Variants in CATSPERZ observed in about 807,000 individuals in gnomAD.
CATSPERZ encodes catsper channel auxiliary subunit zeta.
Under a neutral mutation model 21.7 loss-of-function variants are expected in CATSPERZ, and 21 were observed. The ratio of observed to expected loss-of-function variants is 0.97; its 90% CI spans 0.69 to 1.39. The LOEUF is 1.39. Among genes scored for constraint, CATSPERZ ranks in the 40% most tolerant of loss-of-function variants. The pLI, the probability that CATSPERZ is intolerant of heterozygous loss-of-function variation, is 0.00. For missense variants in CATSPERZ, 234 were observed against 259.5 expected (o/e 0.90, Z 0.68); for synonymous variants, 127 against 108.7 (o/e 1.17, Z -1.05).
chr11:64,300,618 TCCGCGAC>T (rs2034905971), intron 1 of CATSPERZ, 32 bp from the exon 2 acceptor site: 1 of 1,482,616 alleles, frequency 6.7e-7, no homozygotes. Flanking sequence ...GCTCCAGCCA[TCCGCGAC>T]CCTTGGCTCC....
chr11:64,304,423 G>A, intron 4 of CATSPERZ, 120 bp from the exon 5 acceptor site: 1 of 696,878 alleles, frequency 1.4e-6, no homozygotes, highest in Non-Finnish European at 2.4e-6. Flanking sequence ...AGACCTGAGT[G>A]CCCTGCGCTA....
Position 64,300,811 on chromosome 11 carries a change from T to G in CATSPERZ, c.176T>G (p.Ile59Ser). ...GGCTTCGACGAGGAGGGCCGCAACA[T>G]TAGCAAGACCCGCGGGTGGCACAGC... ...CEGFDEEGRN[I>S]SKTRGWHSPG... The change falls in exon 2 of 5, where the codon ATT becomes AGT. Residue 59 changes from isoleucine (I) to serine (S), a missense_variant. Ile to Ser is a moderately radical substitution (Grantham distance 142). Transcript: ENST00000328404. 6.4e-7 allele frequency: 1 copy of G among 1,559,632 alleles called. No individual in the cohort carries two copies.
intron 2 of CATSPERZ, among the ~76,000 whole-genome samples, chr11:64,301,350 C>T (rs1449785329): frequency 6.6e-6 from 1 of 150,836 alleles, no homozygotes; most frequent in South Asian, 2.1e-4. Context: ...GGATGGAGTG[C>T]AGTGGTGCGA....
At chr11:64,302,474 G>A (rs921148045) in intron 2 of CATSPERZ, among the ~76,000 whole-genome samples, 1 of 152,040 alleles carries the variant, frequency 6.6e-6, no homozygotes, top group Non-Finnish European at 1.5e-5. Context: ...TAGAGACAGC[G>A]TTTCACCTTG....
chr11:64,303,450 C>A (rs748084916), intron 2 of CATSPERZ, 32 bp from the exon 3 acceptor site: 1 of 1,579,208 alleles, frequency 6.3e-7, no homozygotes, highest in Non-Finnish European at 8.6e-7. Context: ...CAGGAGTCTG[C>A]GGATGACTAA....
intron 2 of CATSPERZ, among the ~76,000 whole-genome samples, chr11:64,303,072 G>A (rs1760704797): frequency 6.7e-6 from 1 of 150,110 alleles, no homozygotes; most frequent in Non-Finnish European, 1.5e-5. Context: ...GCTAATTTTT[G>A]TATTTTTAGT....
At chr11:64,301,324 C>T (rs767654465) in intron 2 of CATSPERZ, among the ~76,000 whole-genome samples, 1 of 151,810 alleles carries the variant, frequency 6.6e-6, no homozygotes, top group Non-Finnish European at 1.5e-5. Context: ...CAGGATCTCA[C>T]TCTGTCGCCC....
At chr11:64,300,543 A>C in intron 1 of CATSPERZ, 112 bp downstream of exon 1, 53 of 1,467,924 alleles carry the variant, frequency 3.6e-5, no homozygotes, top group East Asian at 1.1e-4. Flanking sequence ...GCCCCCACCC[A>C]ACCCCACGTT....
intron 2 of CATSPERZ, 120 bp downstream of exon 2, chr11:64,301,107 GGA>G (rs1248222245): frequency 9.9e-7 from 1 of 1,008,348 alleles, no homozygotes; most frequent in African/African-American, 1.6e-5. Context: ...GGATTCTCTG[GGA>G]GAGGCGCCCG....
At chr11:64,302,520 T>C (rs2034942740) in intron 2 of CATSPERZ, among the ~76,000 whole-genome samples, 1 of 152,184 alleles carries the variant, frequency 6.6e-6, no homozygotes, top group South Asian at 2.1e-4. Flanking sequence ...GACCTCGTGA[T>C]CCGCCCACCT....
At position 64,304,698 on chromosome 11, in the gene CATSPERZ, G is replaced by T. The variant is rs2034989214; in HGVS notation, c.*52G>T. On this transcript the variant is annotated 3_prime_UTR_variant, in exon 5 of 5. Coordinates refer to ENST00000328404, the MANE Select transcript of CATSPERZ (RefSeq NM_001039496.2). ...ACCCGAACCAGCCCCGTGCCAGCCC[G>T]GTCCCCAGACCCAAGCCTGACCCCA... 1 of 1,480,202 alleles carries T rather than the reference G, an allele frequency of 6.8e-7. No individual in the cohort carries two copies. The highest frequency in any genetic ancestry group is 2.0e-5 in the Admixed American group (1 of 50,202). 91.7% of individuals were successfully genotyped at this position (1,480,202 alleles called of 1,614,324 possible).
rs758199051 is a variant in CATSPERZ at position 64,303,464 on chromosome 11, T to G, written c.353-18T>G. On this transcript the variant is annotated intron_variant, in intron 2 of 4. Coordinates refer to ENST00000328404, the MANE Select transcript of CATSPERZ (RefSeq NM_001039496.2). ...CCAGGAGTCTGCGGATGACTAACCC[T>G]TTTTTCTCTTCTCCCAGAAAAGTCT... is the stretch of plus-strand genomic sequence containing the variant. The G allele has an allele frequency of 7.9e-5, 127 of 1,605,828 alleles. No homozygotes were observed. Among genetic ancestry groups the G allele is most frequent in the Non-Finnish European group, 1.0e-4 (122 of 1,175,384 alleles).
chr11:64,300,536 C>G lies in CATSPERZ; in HGVS notation c.21+105C>G, dbSNP rs925783963. ...TACTCAGCCTTGGCTGCCCGCAGCC[C>G]CCACCCAACCCCACGTTCTACGGGA... On this transcript the variant is annotated intron_variant, in intron 1 of 4. Transcript: ENST00000328404. The G allele has an allele frequency of 2.6e-6, 4 of 1,530,638 alleles. No homozygotes were observed. In the African/African-American group the frequency reaches 5.5e-5, roughly 21 times the overall value. 94.8% of individuals were successfully genotyped at this position (1,530,638 alleles called of 1,614,324 possible). A position where few individuals can be genotyped will look rare whatever the true frequency, so the allele number is the denominator to read the frequency against.
chr11:64,303,261 A>C (rs992485329), intron 2 of CATSPERZ, among the ~76,000 whole-genome samples: 2 of 152,110 alleles, frequency 1.3e-5, no homozygotes, highest in Non-Finnish European at 2.9e-5. Flanking sequence ...AGTGTCAGTC[A>C]CTGGTCCTAA....
In CATSPERZ at chr11:64,304,421, G is replaced by A. The variant is rs2034981715; in HGVS notation, c.500-122G>A. The A allele has an allele frequency of 3.0e-5, 21 of 688,714 alleles. No homozygotes were observed. In the South Asian group the frequency reaches 3.8e-4, roughly 13 times the overall value. 42.7% of individuals were successfully genotyped at this position (688,714 alleles called of 1,614,324 possible). ...GTTCCCCAGGCTAACACAGACCTGAGTGCCCTGCGCTACTGCTACCTCGAA... is the reference window on the plus strand; with the variant it reads ...GTTCCCCAGGCTAACACAGACCTGAATGCCCTGCGCTACTGCTACCTCGAA... On this transcript the variant is annotated intron_variant, in intron 4 of 4. Coordinates refer to ENST00000328404, the MANE Select transcript of CATSPERZ (RefSeq NM_001039496.2).
chr11:64,300,502 G>T lies in CATSPERZ; in HGVS notation c.21+71G>T, dbSNP rs1360599555. ...CCTTGGTCCGACTCGGGCCCCTGGC[G>T]CTATTTCTTACTCAGCCTTGGCTGC... On this transcript the variant is annotated intron_variant, in intron 1 of 4. Transcript: ENST00000328404. The T allele has an allele frequency of 2.6e-6, 4 of 1,567,556 alleles. No homozygotes were observed. In the African/African-American group the frequency reaches 4.1e-5, roughly 16 times the overall value.
rs756839909 is a variant in CATSPERZ at position 64,300,785 on chromosome 11, G to A, written c.150G>A (p.Glu50=). 1.9e-6 allele frequency: 3 copies of A among 1,555,678 alleles called. No homozygotes were observed. The highest frequency in any genetic ancestry group is 3.9e-5 in the Admixed American group (2 of 51,428). Residue 50 remains glutamate, a synonymous_variant, in exon 2 of 5, where the codon GAG becomes GAA. Coordinates refer to ENST00000328404, the MANE Select transcript of CATSPERZ (RefSeq NM_001039496.2). ...QLNMPLSEVC[E]GFDEEGRNIS... is the part of the protein sequence containing the mutation. ...ACATGCCGCTGTCCGAGGTCTGCGA[G>A]GGCTTCGACGAGGAGGGCCGCAACA...
chr11:64,301,270 G>A (rs545605033), intron 2 of CATSPERZ, among the ~76,000 whole-genome samples: 23 of 152,322 alleles, frequency 1.5e-4, no homozygotes, highest in African/African-American at 5.3e-4. Flanking sequence ...AGGACCTGCG[G>A]GGTTTTTTTG....
chr11:64,303,109 C>A (rs2034954224), intron 2 of CATSPERZ, among the ~76,000 whole-genome samples: 1 of 151,822 alleles, frequency 6.6e-6, no homozygotes, highest in Non-Finnish European at 1.5e-5. Flanking sequence ...CCATGTTGGC[C>A]AGGTTGGTCT....
Sources: gnomAD v4.1 joint callset for allele counts (sites outside exome capture counted in the v4.1 genomes callset) on GRCh38, gnomAD v4.1.1 for gene constraint, MANE v1.5 for transcripts, NCBI Gene and HGNC (gene_info 2026-07-23, HGNC 2026-07-21) for gene names.